LAMA1: variants seen among roughly 807,000 people sequenced by gnomAD.
LAMA1 encodes laminin subunit alpha-1.
In LAMA1, 219 loss-of-function variants were observed where a neutral mutation model predicts 348.7. The ratio of observed to expected loss-of-function variants is 0.63; its 90% CI spans 0.56 to 0.70. The LOEUF is 0.70. LAMA1 is among the 30% of genes least tolerant of loss of function. The pLI is 0.00. For missense variants in LAMA1, 3,744 were observed against 3,888.0 expected (o/e 0.96, Z 0.99); for synonymous variants, 1,487 against 1,491.0 (o/e 1.00, Z 0.06).
chr18:7,097,672 A>C (rs1429467747), intron 1 of LAMA1, among the ~76,000 whole-genome samples: 1 of 152,212 alleles, frequency 6.6e-6, no homozygotes, highest in Non-Finnish European at 1.5e-5. Flanking sequence ...TATTAGCATA[A>C]AACAGATGCA....
chr18:7,095,122 T>TTCTCTCTCTCTCTCTCTCTCTCTC (rs71165720), intron 1 of LAMA1, among the ~76,000 whole-genome samples: 1 of 126,530 alleles, frequency 7.9e-6, no homozygotes, highest in African/African-American at 3.1e-5. Context: ...CTCAGGACCT[T>TTCTCTCTCTCTCTCTCTCTCTCTC]TCTCTCTCTC....
At chr18:7,082,917 G>A (rs140238173) in intron 1 of LAMA1, among the ~76,000 whole-genome samples, 1 of 142,758 alleles carries the variant, frequency 7.0e-6, no homozygotes, top group African/African-American at 3.0e-5. Flanking sequence ...ACCAGTTGCA[G>A]GACATCAAAA....
At chr18:7,022,858 CT>C (rs2057924231) in intron 19 of LAMA1, among the ~76,000 whole-genome samples, 1 of 152,162 alleles carries the variant, frequency 6.6e-6, no homozygotes, top group African/African-American at 2.4e-5. Context: ...AGCTTCCCCA[CT>C]TTCATTTCAG....
Position 7,050,861 on chromosome 18 carries a change from G to C in LAMA1, c.421C>G (p.Leu141Val), listed in dbSNP as rs142313158. Residue 141 changes from leucine (L) to valine (V), a missense_variant, in exon 4 of 63, where the codon CTG becomes GTG. Around this residue, in one of 3 missense-constraint regions of LAMA1, gnomAD observed 1,529 missense variants for 1,689.4 expected, o/e 0.91. Coordinates refer to ENST00000389658, the MANE Select transcript of LAMA1 (RefSeq NM_005559.4). ...CAGGGGCTGAACGTGGTGCCATCCA[G>C]AGAACGCTCCAAAATCCAGTTTCCA... ...RPGNWILERSLDGTTFSPWQY... is the reference protein window; with the variant it reads ...RPGNWILERSVDGTTFSPWQY... The C allele has an allele frequency of 1.9e-5, 30 of 1,614,182 alleles. 1 individual carries two copies. In the South Asian group the frequency reaches 3.1e-4, roughly 17 times the overall value.
At chr18:6,988,788 C>G (rs896749603) in intron 36 of LAMA1, among the ~76,000 whole-genome samples, 28 of 115,528 alleles carry the variant, frequency 2.4e-4, no homozygotes, top group African/African-American at 9.1e-4. Context: ...ACCTGGGAGA[C>G]AGAGGAGACT....
At chr18:6,959,231 C>T in intron 54 of LAMA1, 110 bp downstream of exon 54, 1 of 1,369,554 alleles carries the variant, frequency 7.3e-7, no homozygotes, top group Non-Finnish European at 1.0e-6. Context: ...CGTCTGGATG[C>T]CGATGACCCC....
chr18:7,093,861 G>A (rs528047166), intron 1 of LAMA1, among the ~76,000 whole-genome samples: 127 of 142,078 alleles, frequency 8.9e-4, no homozygotes, highest in Middle Eastern at 3.7e-3. Flanking sequence ...CGCATCCTCC[G>A]CCTCCCGGGT....
chr18:7,093,223 T>C (rs1326448255), intron 1 of LAMA1, among the ~76,000 whole-genome samples: 1 of 152,178 alleles, frequency 6.6e-6, no homozygotes, highest in Non-Finnish European at 1.5e-5. Context: ...AAGACCATCC[T>C]GGCTAACACG....
chr18:7,026,332 G>A (rs2057943017), intron 16 of LAMA1, among the ~76,000 whole-genome samples: 1 of 152,194 alleles, frequency 6.6e-6, no homozygotes. Flanking sequence ...GATGAGCATG[G>A]ACAAGGGCAG....
rs777652842 is a variant in LAMA1, at chr18:7,042,202, C to T, written c.1204G>A (p.Val402Met). ...ATACAGACAGAACTGAGGGACCCCACAGGGTCACAATTACAGGGGCGGCAA... is the reference window on the plus strand; with the variant it reads ...ATACAGACAGAACTGAGGGACCCCATAGGGTCACAATTACAGGGGCGGCAA... ...EPCRPCNCDP[V>M]GSLSSVCIKD... Residue 402 changes from valine (V) to methionine (M), a missense_variant, in exon 9 of 63, where the codon GTG (valine) becomes ATG (methionine). Val to Met is a conservative substitution (Grantham distance 21, BLOSUM62 1). Coordinates refer to ENST00000389658, the MANE Select transcript of LAMA1 (RefSeq NM_005559.4). The T allele has an allele frequency of 1.9e-6, 3 of 1,612,854 alleles. No individual in the cohort carries two copies. In the African/African-American group the frequency reaches 4.0e-5, roughly 21 times the overall value.
At chr18:7,041,012 C>T (rs2058018141) in intron 9 of LAMA1, among the ~76,000 whole-genome samples, 1 of 152,090 alleles carries the variant, frequency 6.6e-6, no homozygotes, top group Admixed American at 6.6e-5. Flanking sequence ...GAAGTGACAG[C>T]TAGTTTGTAA....
Position 6,958,654 on chromosome 18 carries a change from G to C in LAMA1, c.7787C>G (p.Thr2596Ser). The C allele has an allele frequency of 6.2e-7, 1 of 1,613,268 alleles. No homozygotes were observed. Among genetic ancestry groups the C allele is most frequent in the Non-Finnish European group, 8.5e-7 (1 of 1,179,222 alleles). Residue 2596 changes from threonine to serine, a missense_variant, in exon 55 of 63, where the codon ACT becomes AGT. Transcript: ENST00000389658. ...ISLVRNRRII[T>S]VQLDENNPVE... is the part of the protein sequence containing the mutation. ...AGGATTGTTCTCATCCAATTGGACAGTGATAATTCTAAAAGACCAATGGAG... is the reference window on the plus strand; with the variant it reads ...AGGATTGTTCTCATCCAATTGGACACTGATAATTCTAAAAGACCAATGGAG...
At chr18:7,003,164 C>T (rs542898826) in intron 29 of LAMA1, among the ~76,000 whole-genome samples, 106 of 152,082 alleles carry the variant, frequency 7.0e-4, no homozygotes, top group African/African-American at 2.3e-3. Flanking sequence ...ACGACATGCA[C>T]GAGCCACCCC....
intron 29 of LAMA1, among the ~76,000 whole-genome samples, chr18:7,004,753 T>A (rs2057824660): frequency 6.6e-6 from 1 of 152,100 alleles, no homozygotes; most frequent in African/African-American, 2.4e-5. Flanking sequence ...ACCTGTACAA[T>A]AAGCACAGGG....
At chr18:7,105,624 G>A (rs529640502) in intron 1 of LAMA1, among the ~76,000 whole-genome samples, 2 of 152,116 alleles carry the variant, frequency 1.3e-5, no homozygotes, top group Non-Finnish European at 2.9e-5. Flanking sequence ...CAAAGAAAAG[G>A]CTCCTGTGAC....
In LAMA1 at chr18:7,022,433, A is replaced by G. The variant is rs562464756; in HGVS notation, c.2701+731T>C. ...GGCCCAGGGCCATAAAACATTTCCA[A>G]TCTCTCCACGTGTGCCTGGGAAAGT... On this transcript the variant is annotated intron_variant, in intron 19 of 62. Transcript: ENST00000389658. Among the ~76,000 whole-genome samples, 7 of 152,304 alleles carry G rather than the reference A, an allele frequency of 4.6e-5. No homozygotes were observed. The East Asian group carries it at 5.8e-4, about 13-fold the overall frequency.
Position 6,999,569 on chromosome 18 carries a change from C to T in LAMA1, c.4539G>A (p.Pro1513=), listed in dbSNP as rs1447417989. 1.1e-5 allele frequency: 17 copies of T among 1,613,748 alleles called. No individual in the cohort carries two copies. The highest frequency in any genetic ancestry group is 5.3e-5 in the African/African-American group (4 of 74,914). The change falls in exon 32 of 63, where the codon CCG becomes CCA. Residue 1513 remains proline (P), a synonymous_variant. Coordinates refer to ENST00000389658, the MANE Select transcript of LAMA1 (RefSeq NM_005559.4). The part of the protein sequence containing the change: ...GGSCQKCDCN[P]HGSVHGDCDR... ...CACAGTCACCGTGGACAGAGCCGTGCGGGTTGCAGTCACACTTCTGGCAAC... is the reference window on the plus strand; with the variant it reads ...CACAGTCACCGTGGACAGAGCCGTGTGGGTTGCAGTCACACTTCTGGCAAC...
chr18:7,005,825 C>T (rs1320317589), intron 29 of LAMA1, among the ~76,000 whole-genome samples: 2 of 152,150 alleles, frequency 1.3e-5, no homozygotes, highest in Non-Finnish European at 2.9e-5. Context: ...AAATCCCATC[C>T]TCCAAGCCCA....
intron 13 of LAMA1, 103 bp from the exon 14 acceptor site, chr18:7,034,793 C>T: frequency 5.7e-6 from 6 of 1,044,044 alleles, no homozygotes; most frequent in Non-Finnish European, 8.5e-6. Flanking sequence ...TTCATTCGTG[C>T]CTAGCTTCTT....
Sources: allele counts gnomAD v4.1 joint callset (sites outside exome capture counted in the v4.1 genomes callset), GRCh38; gene constraint gnomAD v4.1.1; regional missense constraint gnomAD v4.1.1; transcripts MANE v1.5; gene names NCBI Gene and HGNC (gene_info 2026-07-23, HGNC 2026-07-21).